HDAC9: variants seen among roughly 807,000 people sequenced by gnomAD.
HDAC9 encodes the protein MEF-2 interacting transcription repressor (MITR) protein.
A neutral mutation model predicts 139.4 loss-of-function variants in HDAC9; 41 were observed. The ratio of observed to expected loss-of-function variants is 0.29; its 90% CI spans 0.23 to 0.38. The LOEUF (loss-of-function observed/expected upper bound fraction) is 0.38. HDAC9 is among the 10% of genes least tolerant of loss of function. HDAC9 has a pLI of 1.00. For synonymous variants in HDAC9, 517 were observed against 476.2 expected (o/e 1.09, Z -1.12); for missense variants, 1,147 against 1,297.0 (o/e 0.88, Z 1.78).
At chr7:18,738,240 G>T (rs532865983) in intron 13 of HDAC9, among the ~76,000 whole-genome samples, 1 of 152,048 alleles carries the variant, frequency 6.6e-6, no homozygotes, top group African/African-American at 2.4e-5. Flanking sequence ...CTTTTAATTG[G>T]GGCAGTTAGC....
intron 22 of HDAC9, among the ~76,000 whole-genome samples, chr7:18,923,193 T>C (rs1012709504): frequency 9.2e-5 from 14 of 152,094 alleles, no homozygotes; most frequent in African/African-American, 2.9e-4. Context: ...GTGCTACTTT[T>C]TTTATCTTAT....
intron 1 of HDAC9, among the ~76,000 whole-genome samples, chr7:18,306,459 T>C (rs1022540991): frequency 1.3e-5 from 2 of 152,184 alleles, no homozygotes; most frequent in East Asian, 3.9e-4. Context: ...TCCAGAAATA[T>C]GTTTACATGG....
At chr7:18,684,304 T>C (rs766049066) in intron 12 of HDAC9, among the ~76,000 whole-genome samples, 1 of 150,426 alleles carries the variant, frequency 6.6e-6, no homozygotes, top group African/African-American at 2.4e-5. Context: ...AAAACAATAT[T>C]TGATCCATTT....
At chr7:18,572,791 C>T (rs1824732240) in intron 2 of HDAC9, among the ~76,000 whole-genome samples, 1 of 152,076 alleles carries the variant, frequency 6.6e-6, no homozygotes, top group Non-Finnish European at 1.5e-5. Flanking sequence ...ATTTTGTTTC[C>T]GTAGTGCAAG....
chr7:18,556,296 A>G (rs774723918), intron 2 of HDAC9, among the ~76,000 whole-genome samples: 7 of 152,076 alleles, frequency 4.6e-5, no homozygotes, highest in African/African-American at 1.4e-4. Flanking sequence ...GTGTCATTTT[A>G]GCATAAAGGT....
chr7:18,317,195 T>G (rs1295483134), intron 1 of HDAC9, among the ~76,000 whole-genome samples: 3 of 151,096 alleles, frequency 2.0e-5, no homozygotes, highest in African/African-American at 7.3e-5. Context: ...AGACTCTGTC[T>G]CAAAATAAAT....
intron 1 of HDAC9, among the ~76,000 whole-genome samples, chr7:18,390,695 G>A (rs1786391788): frequency 6.6e-6 from 1 of 152,160 alleles, no homozygotes; most frequent in South Asian, 2.1e-4. Context: ...CCCCAGTTTT[G>A]CCACTAACTA....
At chr7:18,279,997 T>C (rs1434263801) in intron 2 of HDAC9, among the ~76,000 whole-genome samples, 1 of 152,178 alleles carries the variant, frequency 6.6e-6, no homozygotes, top group South Asian at 2.1e-4. Context: ...CTTAAAAAGA[T>C]TGAAAAGTTA....
intron 12 of HDAC9, among the ~76,000 whole-genome samples, chr7:18,712,513 A>G (rs563735848): frequency 6.6e-6 from 1 of 152,364 alleles, no homozygotes; most frequent in East Asian, 1.9e-4. Context: ...TGCAGGTATA[A>G]GCAATAACAA....
At chr7:18,956,696 T>C (rs1783173404) in intron 24 of HDAC9, among the ~76,000 whole-genome samples, 1 of 152,182 alleles carries the variant, frequency 6.6e-6, no homozygotes, top group Non-Finnish European at 1.5e-5. Flanking sequence ...TGCCACCAGA[T>C]ACCGTGCAAC....
Position 18,727,601 on chromosome 7 carries a change from A to T in HDAC9, c.1753A>T (p.Thr585Ser). 6.3e-7 allele frequency: 1 copy of T among 1,595,844 alleles called. No homozygotes were observed. Among genetic ancestry groups the T allele is most frequent in the Non-Finnish European group, 8.5e-7 (1 of 1,173,036 alleles). Residue 585 changes from threonine to serine, a missense_variant, in exon 13 of 26, where the codon ACA becomes TCA. By Grantham distance (58) the Thr-to-Ser change is moderately conservative (BLOSUM62 1). This residue lies in a region of HDAC9 where 256 missense variants were observed against 219.2 expected (regional missense o/e 1.17). Coordinates refer to ENST00000686413, the MANE Select transcript of HDAC9 (RefSeq NM_178425.4). The stretch of plus-strand genomic sequence containing the variant: ...ACAGCCTTTCCTGGAACCCACGCAC[A>T]CACGTGCGCTCTCTGTGCGCCAAGC... Reference protein sequence around the residue: ...MQQPFLEPTHTRALSVRQAPL... With the variant: ...MQQPFLEPTHSRALSVRQAPL...
chr7:18,527,239 T>A (rs988977767), intron 2 of HDAC9, among the ~76,000 whole-genome samples: 1 of 152,182 alleles, frequency 6.6e-6, no homozygotes, highest in Non-Finnish European at 1.5e-5. Context: ...TGCTACCTGA[T>A]ACTAATTTTT....
intron 17 of HDAC9, among the ~76,000 whole-genome samples, chr7:18,806,187 C>T (rs1460333356): frequency 6.6e-6 from 1 of 152,150 alleles, no homozygotes; most frequent in African/African-American, 2.4e-5. Context: ...TCCATTTCAC[C>T]CCATTCAATA....
At chr7:18,849,513 G>T (rs891152397) in intron 21 of HDAC9, among the ~76,000 whole-genome samples, 3 of 151,872 alleles carry the variant, frequency 2.0e-5, no homozygotes, top group African/African-American at 7.3e-5. Context: ...CTTAAGTATG[G>T]GCACATATCT....
chr7:18,335,391 C>G (rs1446769749), intron 1 of HDAC9, among the ~76,000 whole-genome samples: 2 of 151,430 alleles, frequency 1.3e-5, no homozygotes, highest in Admixed American at 6.6e-5. Flanking sequence ...CCAGAGATCC[C>G]ATCTCATGGT....
At chr7:18,619,370 A>C (rs766428953) in intron 6 of HDAC9, among the ~76,000 whole-genome samples, 22 of 152,166 alleles carry the variant, frequency 1.4e-4, no homozygotes, top group Non-Finnish European at 2.8e-4. Context: ...ACAGGCATGT[A>C]TTATTCATTC....
At chr7:18,575,853 T>C (rs1284095459) in intron 2 of HDAC9, among the ~76,000 whole-genome samples, 3 of 152,226 alleles carry the variant, frequency 2.0e-5, no homozygotes, top group Non-Finnish European at 4.4e-5. Flanking sequence ...ATTCATTCAT[T>C]CACACCACAC....
chr7:18,876,541 C>T (rs1331207328), intron 22 of HDAC9, among the ~76,000 whole-genome samples: 1 of 152,130 alleles, frequency 6.6e-6, no homozygotes, highest in Non-Finnish European at 1.5e-5. Flanking sequence ...AAACTCTTCA[C>T]ATATCTTATA....
At chr7:18,902,884 G>A (rs967863719) in intron 22 of HDAC9, among the ~76,000 whole-genome samples, 4 of 152,076 alleles carry the variant, frequency 2.6e-5, no homozygotes, top group South Asian at 2.1e-4. Flanking sequence ...CTGCAGTCTC[G>A]TTCCTTTGAG....
Sources: gnomAD v4.1 joint callset for allele counts (sites outside exome capture counted in the v4.1 genomes callset) on GRCh38, gnomAD v4.1.1 for gene constraint, gnomAD v4.1.1 regional missense constraint, MANE v1.5 for transcripts, NCBI Gene and HGNC (gene_info 2026-07-23, HGNC 2026-07-21) for gene names.